Variants in AMD1 observed in about 807,000 individuals in gnomAD.
The protein encoded by AMD1 is S-adenosylmethionine decarboxylase proenzyme.
AMD1 carries 11 observed loss-of-function variants against 40.2 expected under a neutral mutation model. The ratio of observed to expected loss-of-function variants is 0.27; its 90% CI spans 0.17 to 0.45. The LOEUF (loss-of-function observed/expected upper bound fraction) is 0.45. AMD1 is among the 20% of genes least tolerant of loss of function. The pLI is 1.00. For synonymous variants in AMD1, 121 were observed against 130.8 expected (o/e 0.93, Z 0.51); for missense variants, 257 against 410.2 (o/e 0.63, Z 3.23).
chr6:110,892,088 G>A (rs1786052651), intron 4 of AMD1, 73 bp from the exon 5 acceptor site: 2 of 1,505,640 alleles, frequency 1.3e-6, no homozygotes, highest in Non-Finnish European at 1.8e-6. Context: ...TCTGCTTATT[G>A]TGGAAGGGTA....
chr6:110,858,863 C>CAGATGGGT, the AMD1 span: 1 of 792,644 alleles, frequency 1.3e-6, no homozygotes, highest in Non-Finnish European at 2.3e-6. Context: ...CATCAGCCTC[C>CAGATGGGT]AGATGGGTAC....
At chr6:110,869,195 A>C in the AMD1 span, among the ~76,000 whole-genome samples, 4 of 151,806 alleles carry the variant, frequency 2.6e-5, no homozygotes, top group Non-Finnish European at 4.4e-5. Context: ...CAGTGGCGCT[A>C]TCTCGGCTCA....
chr6:110,891,951 C>G, intron 4 of AMD1: 1 of 600,070 alleles, frequency 1.7e-6, no homozygotes, highest in Non-Finnish European at 2.9e-6. Flanking sequence ...TCATGTTGGC[C>G]AGGCTCGAAC....
chr6:110,868,502 G>A, the AMD1 span, among the ~76,000 whole-genome samples: 2 of 151,762 alleles, frequency 1.3e-5, no homozygotes, highest in East Asian at 1.9e-4. Context: ...ATTCATCCTG[G>A]GAAACATTAT....
the AMD1 span, among the ~76,000 whole-genome samples, chr6:110,844,503 T>C: frequency 1.7e-4 from 26 of 151,380 alleles, no homozygotes; most frequent in African/African-American, 6.3e-4. Context: ...TCTTCTGGGC[T>C]GGGTGTGGTG....
chr6:110,859,032 C>T, the AMD1 span: 385,074 of 1,209,854 alleles, frequency 0.32, 66,943 homozygotes, highest in East Asian at 0.7. Context: ...CCGGCAGATA[C>T]ATGACCCCAA....
intron 4 of AMD1, 80 bp from the exon 5 acceptor site, chr6:110,892,081 G>C (rs1786052237): frequency 6.8e-7 from 1 of 1,466,112 alleles, no homozygotes; most frequent in Non-Finnish European, 9.5e-7. Flanking sequence ...GTATCATTCT[G>C]CTTATTGTGG....
the AMD1 span, among the ~76,000 whole-genome samples, chr6:110,865,610 G>T: frequency 7.9e-5 from 12 of 152,004 alleles, no homozygotes; most frequent in Non-Finnish European, 1.5e-4. Context: ...GGCCAGTCTG[G>T]TCTTGAACTC....
chr6:110,868,619 C>G, the AMD1 span, among the ~76,000 whole-genome samples: 1 of 152,144 alleles, frequency 6.6e-6, no homozygotes, highest in African/African-American at 2.4e-5. Context: ...CAGTACTGAA[C>G]ATTGAGGAGA....
the AMD1 span, among the ~76,000 whole-genome samples, chr6:110,860,927 G>A: frequency 1.3e-5 from 2 of 150,730 alleles, no homozygotes; most frequent in Admixed American, 6.6e-5. Context: ...GTGATCCCTT[G>A]CTTTTATTAA....
chr6:110,869,284 C>T, the AMD1 span, among the ~76,000 whole-genome samples: 2 of 151,716 alleles, frequency 1.3e-5, no homozygotes, highest in Non-Finnish European at 2.9e-5. Context: ...GAGCCCGCCA[C>T]CGCGCCCGGC....
the AMD1 span, chr6:110,816,088 A>G: frequency 2.0e-5 from 3 of 152,106 alleles, no homozygotes; most frequent in Admixed American, 2.0e-4. Context: ...CAAAAACTGA[A>G]CCTTCAGCAG....
chr6:110,890,823 A>G (rs1785974517), intron 4 of AMD1: 1 of 152,386 alleles, frequency 6.6e-6, no homozygotes, highest in African/African-American at 2.4e-5. Context: ...TTGGGAGTAC[A>G]GTAGTGATCT....
chr6:110,842,574 G>A, the AMD1 span, among the ~76,000 whole-genome samples: 20 of 152,284 alleles, frequency 1.3e-4, 1 homozygote, highest in East Asian at 3.9e-3. Flanking sequence ...CCAAAGAGTA[G>A]CTTAGCAGTA....
In AMD1 at chr6:110,894,047, G is replaced by A. The variant is rs1786178772; in HGVS notation, c.*431G>A. On this transcript the variant is annotated 3_prime_UTR_variant, in exon 9 of 9. Coordinates refer to ENST00000368885, the MANE Select transcript of AMD1 (RefSeq NM_001634.6). The stretch of plus-strand genomic sequence containing the variant: ...TCTAGGACTGTTCTATTAAATTGCT[G>A]CCAGAATTTTACATCCAGTTACCTC... The A allele has an allele frequency of 6.5e-6, 1 of 154,136 alleles. No homozygotes were observed. The highest frequency in any genetic ancestry group is 2.4e-5 in the African/African-American group (1 of 41,452). 9.5% of individuals were successfully genotyped at this position (154,136 alleles called of 1,614,324 possible).
the AMD1 span, among the ~76,000 whole-genome samples, chr6:110,847,695 GTTTTTGTTTTTTGT>G: frequency 2.0e-5 from 3 of 149,276 alleles, no homozygotes; most frequent in Non-Finnish European, 3.0e-5. Flanking sequence ...AATTTCCTTT[GTTTTTGTTTTTTGT>G]TTTTTGTTTT....
At chr6:110,870,268 G>A (rs139622083), upstream of AMD1, among the ~76,000 whole-genome samples, 314 of 152,292 alleles carry the variant, frequency 2.1e-3, no homozygotes, top group African/African-American at 7.2e-3. Flanking sequence ...ATTTCTGAGA[G>A]TGTAACGATT....
chr6:110,820,707 G>A, the AMD1 span, among the ~76,000 whole-genome samples: 2 of 152,002 alleles, frequency 1.3e-5, no homozygotes, highest in African/African-American at 4.8e-5. Context: ...CTGGAGACCA[G>A]CCTGGCCAGC....
chr6:110,848,890 A>G, the AMD1 span, among the ~76,000 whole-genome samples: 1 of 152,172 alleles, frequency 6.6e-6, no homozygotes, highest in Non-Finnish European at 1.5e-5. Context: ...CTGTAGTTGC[A>G]GCTACTCAGG....
Sources: gnomAD v4.1 joint callset for allele counts (sites outside exome capture counted in the v4.1 genomes callset) on GRCh38, gnomAD v4.1.1 for gene constraint, MANE v1.5 for transcripts, NCBI Gene and HGNC (gene_info 2026-07-23, HGNC 2026-07-21) for gene names.